The following COL4A4 variants were observed in gnomAD, a reference collection of about 807,000 sequenced individuals.
The protein encoded by COL4A4 is collagen type IV alpha 4 chain, also known as collagen alpha-4(IV) chain.
In COL4A4, 105 loss-of-function variants were observed where a neutral mutation model predicts 192.9. The observed-to-expected ratio is 0.54, with a 90% confidence interval of 0.46 to 0.64. The LOEUF (loss-of-function observed/expected upper bound fraction) is 0.64. Ranked by LOEUF, COL4A4 falls within the 30% of genes least tolerant of loss-of-function variation. The pLI is 0.00. For synonymous variants in COL4A4, 762 were observed against 769.9 expected (o/e 0.99, Z 0.17); for missense variants, 1,967 against 2,169.3 (o/e 0.91, Z 1.85).
At chr2:227,002,262 A>AATC (rs754463358), downstream of COL4A4, among the ~76,000 whole-genome samples, 12 of 152,134 alleles carry the variant, frequency 7.9e-5, no homozygotes, top group Admixed American at 2.6e-4. Flanking sequence ...AGAGAAATGT[A>AATC]ATCAATACCT....
intron 4 of COL4A4, among the ~76,000 whole-genome samples, chr2:227,133,909 AAG>A (rs2062647399): frequency 6.6e-6 from 1 of 152,022 alleles, no homozygotes; most frequent in Admixed American, 6.6e-5. Flanking sequence ...AAAAAAGAAA[AAG>A]AATTTAAAAA....
intron 4 of COL4A4, among the ~76,000 whole-genome samples, chr2:227,121,561 C>CAAAAAA (rs766680844): frequency 5.7e-4 from 33 of 58,376 alleles, no homozygotes; most frequent in African/African-American, 1.1e-3. Flanking sequence ...GACCCTATCT[C>CAAAAAA]AAAAAAAAAA....
Position 227,077,894 on chromosome 2 carries a change from C to G in COL4A4, c.1987G>C (p.Gly663Arg). ...ATAAATAAAATTTTTTTAAAATTAC[C>G]TTTCTGACCCTTCAAGCCATCAGGG... is the stretch of plus-strand genomic sequence containing the variant. ...RGPDGLKGQK[G>R]DTISCNVTYP... Residue 663 changes from glycine (G) to arginine (R), a missense_variant and splice_region_variant, in exon 25 of 48, where the codon GGT (glycine) becomes CGT (arginine). Transcript: ENST00000396625. 6.2e-7 allele frequency: 1 copy of G among 1,611,972 alleles called. No individual in the cohort carries two copies. The highest frequency in any genetic ancestry group is 8.5e-7 in the Non-Finnish European group (1 of 1,179,728).
Position 227,034,663 on chromosome 2 carries a change from C to A in COL4A4, c.3506-1182G>T, listed in dbSNP as rs1454553986. On this transcript the variant is annotated intron_variant, in intron 37 of 47. Coordinates refer to ENST00000396625, the MANE Select transcript of COL4A4 (RefSeq NM_000092.5). ...CATGTGCCATGCTGGTGTGCTGCAC[C>A]CACTAACTCGTCATCTAGCATTAGG... Among the ~76,000 whole-genome samples the A allele has an allele frequency of 3.3e-5, 5 of 150,012 alleles. No homozygotes were observed. In the East Asian group the frequency reaches 9.8e-4, roughly 29 times the overall value.
At chr2:227,019,824 C>T (rs376937747) in intron 44 of COL4A4, among the ~76,000 whole-genome samples, 82 of 152,176 alleles carry the variant, frequency 5.4e-4, no homozygotes, top group Non-Finnish European at 8.7e-4. Flanking sequence ...TCTGCCACCA[C>T]GCTCAGCTAA....
rs2059827969 is a variant in COL4A4, at chr2:227,090,017, A to G, written c.1370-60T>C. ...CACATAATTTTTCTGACTGTCTTCT[A>G]TAGAATAAGTGACTTTTGCACTCAC... On this transcript the variant is annotated intron_variant, in intron 20 of 47. Coordinates refer to ENST00000396625, the MANE Select transcript of COL4A4 (RefSeq NM_000092.5). 5 of 1,387,306 alleles carry G rather than the reference A, an allele frequency of 3.6e-6. No individual in the cohort carries two copies. The African/African-American group carries it at 7.1e-5, about 20-fold the overall frequency. The allele number at this position is 1,387,306 out of a possible 1,614,324, so 85.9% of individuals were successfully genotyped here.
At chr2:227,010,254 A>T in intron 46 of COL4A4, 59 bp downstream of exon 46, 1 of 1,584,266 alleles carries the variant, frequency 6.3e-7, no homozygotes, top group Non-Finnish European at 8.7e-7. Flanking sequence ...ATGAATCAGT[A>T]AAATTAACCC....
intron 35 of COL4A4, among the ~76,000 whole-genome samples, chr2:227,044,176 T>C (rs752916263): frequency 6.6e-6 from 1 of 152,186 alleles, no homozygotes; most frequent in Non-Finnish European, 1.5e-5. Context: ...CACCCACAGC[T>C]CCAAGAGCAT....
At chr2:227,058,008 G>A (rs1975904190) in intron 28 of COL4A4, among the ~76,000 whole-genome samples, 1 of 152,192 alleles carries the variant, frequency 6.6e-6, no homozygotes. Flanking sequence ...TCACTAGAAA[G>A]ACAGGGTCAT....
intron 37 of COL4A4, among the ~76,000 whole-genome samples, chr2:227,040,951 G>T (rs1184170133): frequency 6.6e-6 from 1 of 151,960 alleles, no homozygotes; most frequent in African/African-American, 2.4e-5. Flanking sequence ...TTAATGACAA[G>T]TATTTTATAT....
the COL4A4 span, chr2:226,988,235 G>A: frequency 9.1e-7 from 1 of 1,097,598 alleles, no homozygotes; most frequent in Admixed American, 3.0e-5. Flanking sequence ...AGAAGCAAGA[G>A]GTTGGGAGTA....
At chr2:227,073,601 A>G (rs1484693536) in intron 25 of COL4A4, among the ~76,000 whole-genome samples, 1 of 152,036 alleles carries the variant, frequency 6.6e-6, no homozygotes, top group Non-Finnish European at 1.5e-5. Context: ...ATCCTAAGCA[A>G]AAAAGAACAA....
intron 28 of COL4A4, 85 bp downstream of exon 28, chr2:227,059,320 A>T (rs1976284900): frequency 1.7e-6 from 2 of 1,176,362 alleles, no homozygotes; most frequent in Non-Finnish European, 2.6e-6. Context: ...ACATGCCTAA[A>T]GCAAAATAAT....
At chr2:227,087,946 A>T (rs1428691264) in intron 22 of COL4A4, among the ~76,000 whole-genome samples, 1 of 150,300 alleles carries the variant, frequency 6.7e-6, no homozygotes, top group East Asian at 1.9e-4. Context: ...TTATCACCAC[A>T]TGACATACTG....
At chr2:227,133,072 A>G (rs770781043) in intron 4 of COL4A4, among the ~76,000 whole-genome samples, 1 of 152,158 alleles carries the variant, frequency 6.6e-6, no homozygotes, top group African/African-American at 2.4e-5. Context: ...TTTCTTGCCA[A>G]TAACAAGTTC....
chr2:227,160,897 C>G (rs564140494), intron 1 of COL4A4, among the ~76,000 whole-genome samples: 1 of 152,160 alleles, frequency 6.6e-6, no homozygotes, highest in African/African-American at 2.4e-5. Context: ...CTAAAAGCAC[C>G]CAAGAGCCTA....
intron 20 of COL4A4, 144 bp from the exon 21 acceptor site, chr2:227,090,101 A>T: frequency 1.6e-6 from 1 of 632,670 alleles, no homozygotes; most frequent in Non-Finnish European, 2.8e-6. Context: ...TTTTCCTAGG[A>T]TTCTTTCTGT....
intron 25 of COL4A4, among the ~76,000 whole-genome samples, chr2:227,069,191 C>T (rs1368192072): frequency 1.4e-4 from 21 of 146,064 alleles, no homozygotes; most frequent in Non-Finnish European, 3.2e-4. Flanking sequence ...AGGAGAACTA[C>T]AAACCACTGC....
intron 37 of COL4A4, among the ~76,000 whole-genome samples, chr2:227,041,707 GGAAGGAAGGGAGGAGGA>G (rs1559475000): frequency 1.5e-4 from 18 of 118,102 alleles, no homozygotes; most frequent in African/African-American, 6.6e-4. Context: ...AGAGAGAGAA[GGAAGGAAGGGAGGAGGA>G]AGGAAGGAAG....
Sources: allele counts gnomAD v4.1 joint callset (sites outside exome capture counted in the v4.1 genomes callset), GRCh38; gene constraint gnomAD v4.1.1; transcripts MANE v1.5; gene names NCBI Gene and HGNC (gene_info 2026-07-23, HGNC 2026-07-21).